ADAM32: variants seen among roughly 807,000 people sequenced by gnomAD.
ADAM32 encodes disintegrin and metalloproteinase domain-containing protein 32.
A neutral mutation model predicts 114.9 loss-of-function variants in ADAM32; 89 were observed. The ratio of observed to expected loss-of-function variants is 0.77; its 90% CI spans 0.65 to 0.92. The LOEUF (loss-of-function observed/expected upper bound fraction) is 0.92. ADAM32 is among the 40% of genes least tolerant of loss of function. The pLI, the probability that ADAM32 is intolerant of heterozygous loss-of-function variation, is 0.00. For synonymous variants in ADAM32, 285 were observed against 307.5 expected, an observed-to-expected ratio of 0.93 and a Z score of 0.77; for missense variants, 870 against 932.8, an observed-to-expected ratio of 0.93 and a Z score of 0.88.
At chr8:39,130,788 T>C (rs75186303) in intron 2 of ADAM32, 6,146 of 418,042 alleles carry the variant, frequency 0.015, 343 homozygotes, top group African/African-American at 0.12. Context: ...TTCTGAGACT[T>C]TTTGTGGCCT....
Position 39,136,657 on chromosome 8 carries a change from G to A in ADAM32, c.139G>A (p.Glu47Lys). 6.5e-7 allele frequency: 1 copy of A among 1,527,092 alleles called. No individual in the cohort carries two copies. The highest frequency in any genetic ancestry group is 2.3e-5 in the Admixed American group (1 of 44,264). The allele number at this position is 1,527,092 out of a possible 1,614,324, so 94.6% of individuals were successfully genotyped here. Residue 47 changes from glutamate (E) to lysine (K), a missense_variant and splice_region_variant, in exon 3 of 25, where the codon GAA becomes AAA. Physicochemically the swap from Glu to Lys is moderately conservative, Grantham distance 56. Coordinates refer to ENST00000379907, the MANE Select transcript of ADAM32 (RefSeq NM_145004.7). ...CTCTCAGTTGTTTTGAATTCTCTAG[G>A]AACAAATATCCTATATTATTCCAAT... Reference protein sequence around the residue: ...NTNDSSEIEYEQISYIIPIDE... With the variant: ...NTNDSSEIEYKQISYIIPIDE...
chr8:39,198,584 G>T (rs895015790), intron 11 of ADAM32, among the ~76,000 whole-genome samples: 5 of 152,144 alleles, frequency 3.3e-5, no homozygotes, highest in Admixed American at 6.5e-5. Flanking sequence ...CACCATGTTG[G>T]CTATGCTGGT....
chr8:39,221,919 C>T (rs1295145253), intron 13 of ADAM32, among the ~76,000 whole-genome samples: 8 of 151,408 alleles, frequency 5.3e-5, no homozygotes, highest in Admixed American at 6.6e-5. Flanking sequence ...TTTTTTAAGC[C>T]TTGATTTAGA....
chr8:39,184,083 C>G (rs1806073783), intron 10 of ADAM32, among the ~76,000 whole-genome samples: 1 of 152,168 alleles, frequency 6.6e-6, no homozygotes, highest in Non-Finnish European at 1.5e-5. Context: ...GTAGAGTGCT[C>G]GAGCTGTTTA....
chr8:39,231,045 A>G (rs2129449250), intron 14 of ADAM32, among the ~76,000 whole-genome samples: 1 of 152,290 alleles, frequency 6.6e-6, no homozygotes, highest in South Asian at 2.1e-4. Context: ...GAACCAGTGA[A>G]TATATGATTG....
Position 39,253,932 on chromosome 8 carries a change from C to T in ADAM32, c.1903-482C>T, listed in dbSNP as rs533595555. Among the ~76,000 whole-genome samples the T allele has an allele frequency of 1.4e-3, 216 of 150,882 alleles. 1 individual carries two copies. The highest frequency in any genetic ancestry group is 4.7e-3 in the African/African-American group (193 of 41,240). On this transcript the variant is annotated intron_variant, in intron 17 of 24. Coordinates refer to ENST00000379907, the MANE Select transcript of ADAM32 (RefSeq NM_145004.7). ...AAAATTATATAAGATGAAAAAAATCCAGATAATTAGAAGCAATTTTTAAAA... is the reference window on the plus strand; with the variant it reads ...AAAATTATATAAGATGAAAAAAATCTAGATAATTAGAAGCAATTTTTAAAA...
At chr8:39,128,606 T>C (rs1802251305) in intron 2 of ADAM32, among the ~76,000 whole-genome samples, 3 of 152,230 alleles carry the variant, frequency 2.0e-5, no homozygotes, top group Admixed American at 2.0e-4. Context: ...AGTTGCTTCA[T>C]AGTGTCACTG....
At chr8:39,241,395 G>T (rs141546785) in intron 16 of ADAM32, among the ~76,000 whole-genome samples, 1 of 152,220 alleles carries the variant, frequency 6.6e-6, no homozygotes, top group African/African-American at 2.4e-5. Flanking sequence ...GGGACTCTGT[G>T]TGGGGGCTCC....
chr8:39,222,925 AT>A lies in ADAM32; in HGVS notation c.1327-114del, dbSNP rs921937561. On this transcript the variant is annotated intron_variant, in intron 13 of 24. Transcript: ENST00000379907. ...TAGTAATTTGTACAAAAAAGTATTA[AT>A]ATACATTAATGGATAGACTAAAGCG... 7 of 742,682 alleles carry A rather than the reference AT, an allele frequency of 9.4e-6. No individual in the cohort carries two copies. The African/African-American group carries it at 1.3e-4, about 14-fold the overall frequency. The allele number at this position is 742,682 out of a possible 1,614,324, so 46.0% of individuals were successfully genotyped here. A position where few individuals can be genotyped will look rare whatever the true frequency, so the allele number is the denominator to read the frequency against.
chr8:39,165,332 T>C, intron 9 of ADAM32, 136 bp downstream of exon 9: 1 of 659,362 alleles, frequency 1.5e-6, no homozygotes, highest in Non-Finnish European at 2.3e-6. Context: ...TCAGGCTTTA[T>C]GCTCAATTTC....
rs1449677012 is a variant in ADAM32, at chr8:39,232,096, G to T, written c.1595G>T (p.Gly532Val). Residue 532 changes from glycine (G) to valine (V), a missense_variant, in exon 15 of 25, where the codon GGT becomes GTT. By Grantham distance (109) the Gly-to-Val change is moderately radical (BLOSUM62 -3). Transcript: ENST00000379907. ...QSQSDRFGNC[G>V]RDRNNKYVFC... ...CAATCAGACAGATTTGGGAACTGTGGTAGGGATAGAAATAACAAATATGTG... is the reference window on the plus strand; with the variant it reads ...CAATCAGACAGATTTGGGAACTGTGTTAGGGATAGAAATAACAAATATGTG... The T allele has an allele frequency of 1.2e-6, 2 of 1,611,510 alleles. No individual in the cohort carries two copies. Among genetic ancestry groups the T allele is most frequent in the African/African-American group, 1.3e-5 (1 of 74,848 alleles).
At chr8:39,235,405 C>G (rs959397321) in intron 16 of ADAM32, among the ~76,000 whole-genome samples, 2 of 151,962 alleles carry the variant, frequency 1.3e-5, no homozygotes, top group African/African-American at 4.8e-5. Context: ...TATATAGACT[C>G]ATTAATATTG....
At chr8:39,275,741 T>C in intron 21 of ADAM32, 87 bp from the exon 22 acceptor site, 1 of 1,287,636 alleles carries the variant, frequency 7.8e-7, no homozygotes. Context: ...TAACACAGGT[T>C]GTAAAATGAT....
intron 10 of ADAM32, among the ~76,000 whole-genome samples, chr8:39,176,952 G>C (rs574068091): frequency 1.3e-5 from 2 of 151,948 alleles, no homozygotes; most frequent in East Asian, 1.9e-4. Flanking sequence ...GCCCTTCTTT[G>C]TCTTTTTTGA....
intron 19 of ADAM32, among the ~76,000 whole-genome samples, chr8:39,261,061 C>G (rs1236570498): frequency 1.3e-5 from 2 of 152,002 alleles, no homozygotes; most frequent in South Asian, 2.1e-4. Flanking sequence ...TTTATCATTT[C>G]TTTGTATTGG....
intron 14 of ADAM32, among the ~76,000 whole-genome samples, chr8:39,231,688 A>G (rs985320595): frequency 3.3e-5 from 5 of 152,172 alleles, no homozygotes; most frequent in African/African-American, 1.2e-4. Context: ...TTGGTTTTTT[A>G]TGAGTTCACA....
chr8:39,154,048 A>ATATATATATG (rs1264233009), intron 6 of ADAM32, among the ~76,000 whole-genome samples: 1 of 149,354 alleles, frequency 6.7e-6, no homozygotes, highest in Non-Finnish European at 1.5e-5. Flanking sequence ...ATATATATAT[A>ATATATATATG]TGTAATTATA....
At chr8:39,170,624 A>G (rs1480838083) in intron 10 of ADAM32, among the ~76,000 whole-genome samples, 2 of 151,812 alleles carry the variant, frequency 1.3e-5, no homozygotes, top group East Asian at 1.9e-4. Context: ...TTTGTTGAGT[A>G]TATATATATA....
intron 14 of ADAM32, chr8:39,224,263 TA>T (rs1292251884): frequency 6.6e-6 from 1 of 152,212 alleles, no homozygotes; most frequent in Non-Finnish European, 1.5e-5. Context: ...TCTTTTGCAA[TA>T]TTGATTCATT....
Sources: allele counts gnomAD v4.1 joint callset (sites outside exome capture counted in the v4.1 genomes callset), GRCh38; gene constraint gnomAD v4.1.1; transcripts MANE v1.5; gene names NCBI Gene and HGNC (gene_info 2026-07-23, HGNC 2026-07-21).